The following WEE1 variants were observed in gnomAD, a reference collection of about 807,000 sequenced individuals.
The protein encoded by WEE1 is WEE1 G2 checkpoint kinase, also known as wee1-like protein kinase.
In WEE1, 16 loss-of-function variants were observed where a neutral mutation model predicts 68.8. The ratio of observed to expected loss-of-function variants is 0.23; its 90% confidence interval spans 0.16 to 0.35. The LOEUF (loss-of-function observed/expected upper bound fraction) is 0.35. Ranked by LOEUF, WEE1 falls within the 10% of genes least tolerant of loss-of-function variation. WEE1 has a pLI of 1.00. For missense variants in WEE1, 651 were observed against 824.1 expected, an observed-to-expected ratio of 0.79 and a Z score of 2.57; for synonymous variants, 349 against 318.7, an observed-to-expected ratio of 1.09 and a Z score of -1.01.
At chr11:9,586,073 A>G (rs894292363) in intron 8 of WEE1, among the ~76,000 whole-genome samples, 8 of 152,200 alleles carry the variant, frequency 5.3e-5, no homozygotes, top group Non-Finnish European at 1.2e-4. Context: ...AAATATGTGT[A>G]TATATATGTT....
intron 6 of WEE1, 145 bp from the exon 7 acceptor site, chr11:9,585,113 C>T (rs751403367): frequency 1.3e-4 from 89 of 668,526 alleles, no homozygotes; most frequent in Non-Finnish European, 2.0e-4. Context: ...TTTCTGTCCC[C>T]TGAGATGCTT....
At chr11:9,585,818 T>C (rs910737597) in intron 8 of WEE1, among the ~76,000 whole-genome samples, 1 of 152,210 alleles carries the variant, frequency 6.6e-6, no homozygotes, top group Non-Finnish European at 1.5e-5. Context: ...CATGTACCCA[T>C]TGACTCATAA....
intron 5 of WEE1, chr11:9,577,846 C>T (rs1222060922): frequency 3.1e-5 from 14 of 454,914 alleles, no homozygotes; most frequent in Middle Eastern, 3.2e-4. Flanking sequence ...TGAAACAAAA[C>T]AGGCATGTAT....
intron 6 of WEE1, among the ~76,000 whole-genome samples, chr11:9,582,112 CTG>C (rs1849634669): frequency 3.9e-5 from 6 of 152,206 alleles, no homozygotes; most frequent in South Asian, 4.1e-4. Context: ...CACTAAAAAT[CTG>C]TGTTTAAAGC....
intron 5 of WEE1, 144 bp downstream of exon 5, chr11:9,577,407 C>A: frequency 9.1e-7 from 1 of 1,093,048 alleles, no homozygotes; most frequent in Non-Finnish European, 1.3e-6. Flanking sequence ...ATTTCAAGTA[C>A]AAGGTTAAAA....
At chr11:9,577,828 C>T (rs1176735977) in intron 5 of WEE1, 2 of 454,336 alleles carry the variant, frequency 4.4e-6, no homozygotes, top group Non-Finnish European at 8.8e-6. Context: ...CCTCCTCTCC[C>T]CTAAGGATGA....
intron 6 of WEE1, among the ~76,000 whole-genome samples, chr11:9,583,612 CAAA>C (rs74575068): frequency 2.5e-5 from 2 of 80,278 alleles, no homozygotes; most frequent in Admixed American, 1.3e-4. Context: ...GAGACTGTCT[CAAA>C]AAAAAAAAAA....
At chr11:9,578,237 T>C (rs1849584747) in intron 5 of WEE1, 1 of 176,408 alleles carries the variant, frequency 5.7e-6, no homozygotes, top group African/African-American at 2.4e-5. Flanking sequence ...TTATTTTTGT[T>C]GATTCTTATT....
At chr11:9,581,834 A>G (rs1251987043) in intron 6 of WEE1, among the ~76,000 whole-genome samples, 156 bp downstream of exon 6, 1 of 152,210 alleles carries the variant, frequency 6.6e-6, no homozygotes, top group African/African-American at 2.4e-5. Flanking sequence ...TATGATTTCT[A>G]TTCATCTCTT....
In WEE1 at chr11:9,576,221, T is replaced by A; in HGVS notation, c.783-9T>A. 1 of 1,537,524 alleles carries A rather than the reference T, an allele frequency of 6.5e-7. No individual in the cohort carries two copies. The highest frequency in any genetic ancestry group is 1.2e-5 in the South Asian group (1 of 84,314). On this transcript the variant is annotated splice_polypyrimidine_tract_variant and intron_variant, in intron 2 of 10. Coordinates refer to ENST00000450114, the MANE Select transcript of WEE1 (RefSeq NM_003390.4). This position sits in a 1 kb window ranked among gnomAD's most constrained non-coding sequence, Gnocchi z 4.3. ...AGATATATTGATAGAAAAATAACAT[T>A]TTTTTTAGTTCCTGTGGTGAAGACA...
intron 10 of WEE1, 24 bp downstream of exon 10, chr11:9,586,880 T>A: frequency 6.3e-7 from 1 of 1,581,658 alleles, no homozygotes; most frequent in South Asian, 1.2e-5. Flanking sequence ...TTATGTTTTC[T>A]TTTTGCTTTT....
At chr11:9,575,849 T>G (rs767655770) in intron 1 of WEE1, 39 bp from the exon 2 acceptor site, 39 of 1,591,174 alleles carry the variant, frequency 2.5e-5, no homozygotes, top group Non-Finnish European at 3.0e-5. Context: ...CTATAGGACT[T>G]GGATCCTAAA....
intron 5 of WEE1, chr11:9,578,817 C>T (rs1334871125): frequency 6.6e-6 from 1 of 151,946 alleles, no homozygotes; most frequent in African/African-American, 2.4e-5. Flanking sequence ...TTGCTACCCT[C>T]TCAGATTACA....
chr11:9,585,554 GT>G, intron 8 of WEE1, 27 bp downstream of exon 8: 1 of 1,537,452 alleles, frequency 6.5e-7, no homozygotes. Context: ...CTTAATCATA[GT>G]TTGCTTTGTA....
intron 6 of WEE1, among the ~76,000 whole-genome samples, chr11:9,583,045 G>T (rs1849645796): frequency 1.3e-5 from 2 of 152,148 alleles, no homozygotes; most frequent in Admixed American, 1.3e-4. Context: ...ACCAGGTGCA[G>T]TGGCTGACGC....
rs756597519 is a variant in WEE1 at position 9,585,432 on chromosome 11, A to G, written c.1385-10A>G. 2 of 1,609,228 alleles carry G rather than the reference A, an allele frequency of 1.2e-6. No homozygotes were observed. Among genetic ancestry groups the G allele is most frequent in the Non-Finnish European group, 1.7e-6 (2 of 1,178,402 alleles). On this transcript the variant is annotated splice_polypyrimidine_tract_variant and intron_variant, in intron 7 of 10. Transcript: ENST00000450114. ...TTTGCTCTTCACTGTAAGTTTTTCA[A>G]TACTTCTAGGTGATCTTGGGCATGT...
At chr11:9,578,912 T>TTTATTTATTTAC (rs1849594067) in intron 5 of WEE1, 1 of 150,582 alleles carries the variant, frequency 6.6e-6, no homozygotes, top group Non-Finnish European at 1.5e-5. Flanking sequence ...TATTTATTTA[T>TTTATTTATTTAC]TTATTTATTT....
chr11:9,587,363 C>T (rs1003844435), intron 10 of WEE1, among the ~76,000 whole-genome samples: 1 of 152,130 alleles, frequency 6.6e-6, no homozygotes, highest in Non-Finnish European at 1.5e-5. Flanking sequence ...TTTCAAATTA[C>T]GAACTTTAAA....
At chr11:9,575,375 A>T in intron 1 of WEE1, 1 of 991,780 alleles carries the variant, frequency 1.0e-6, no homozygotes, top group Non-Finnish European at 1.2e-6. Context: ...CACCTTTTAA[A>T]GTGAGTTTGT....
Sources: gnomAD v4.1 joint callset for allele counts (sites outside exome capture counted in the v4.1 genomes callset) on GRCh38, gnomAD v4.1.1 for gene constraint, Gnocchi (gnomAD v3.1) non-coding constraint, MANE v1.5 for transcripts, NCBI Gene and HGNC (gene_info 2026-07-23, HGNC 2026-07-21) for gene names.